ST18: variants seen among roughly 807,000 people sequenced by gnomAD.
ST18 encodes suppression of tumorigenicity 18 protein.
In ST18, 50 loss-of-function variants were observed where a neutral mutation model predicts 110.0. That is an observed-to-expected ratio of 0.45 (90% CI 0.36 to 0.58). The LOEUF (loss-of-function observed/expected upper bound fraction) is 0.58. ST18 is among the 20% of genes least tolerant of loss of function. ST18 has a pLI of 0.00. For missense variants in ST18, 1,306 were observed against 1,280.1 expected (o/e 1.02, Z -0.31); for synonymous variants, 461 against 452.4 (o/e 1.02, Z -0.24).
At chr8:52,404,149 G>A (rs563204474) in intron 2 of ST18, 3 of 152,292 alleles carry the variant, frequency 2.0e-5, no homozygotes, top group South Asian at 4.1e-4. Context: ...GGATAGTAAT[G>A]CTGAAAGAAA....
chr8:52,336,955 G>T (rs10441582), intron 2 of ST18, among the ~76,000 whole-genome samples: 2 of 152,172 alleles, frequency 1.3e-5, no homozygotes, highest in South Asian at 2.1e-4. Flanking sequence ...TTTTTTCTAT[G>T]CTTAAAATAA....
intron 17 of ST18, among the ~76,000 whole-genome samples, chr8:52,138,092 T>C (rs2053220104): frequency 3.2e-5 from 3 of 94,524 alleles, no homozygotes; most frequent in African/African-American, 1.5e-4. Context: ...AAACTCTGTC[T>C]CAAAAAAAAA....
chr8:52,197,649 G>A (rs1290113623), intron 8 of ST18, among the ~76,000 whole-genome samples: 1 of 152,086 alleles, frequency 6.6e-6, no homozygotes, highest in Non-Finnish European at 1.5e-5. Flanking sequence ...TCTGAAGAAG[G>A]AAAGATAAAA....
At chr8:52,126,593 A>G (rs1409501545) in intron 22 of ST18, among the ~76,000 whole-genome samples, 1 of 152,256 alleles carries the variant, frequency 6.6e-6, no homozygotes, top group Non-Finnish European at 1.5e-5. Context: ...CTTGACCTTT[A>G]TAGAATGACT....
At chr8:52,399,035 T>A (rs544005366) in intron 2 of ST18, among the ~76,000 whole-genome samples, 1 of 152,236 alleles carries the variant, frequency 6.6e-6, no homozygotes, top group South Asian at 2.1e-4. Context: ...TTTGAATGTT[T>A]GATAGAATTC....
rs747881159 is a variant in ST18, at chr8:52,172,309, T to C, written c.552A>G (p.Pro184=). ...DGRDKIDDSQ[P]PFCSSDDNES... Reference sequence around the variant, plus strand: ...CATTGTCATCAGAGGAGCAGAAGGGTGGCTGAGAATCATCAATCTTGTCTC... The same window carrying C: ...CATTGTCATCAGAGGAGCAGAAGGGCGGCTGAGAATCATCAATCTTGTCTC... The change falls in exon 10 of 26, where the codon CCA becomes CCG. Residue 184 remains proline (P), a synonymous_variant. Coordinates refer to ENST00000689386, the MANE Select transcript of ST18 (RefSeq NM_001352837.2). 6.2e-7 allele frequency: 1 copy of C among 1,614,210 alleles called. No homozygotes were observed. The highest frequency in any genetic ancestry group is 8.5e-7 in the Non-Finnish European group (1 of 1,180,044).
intron 16 of ST18, among the ~76,000 whole-genome samples, chr8:52,146,156 T>A (rs1014175578): frequency 1.3e-5 from 2 of 152,082 alleles, no homozygotes; most frequent in Admixed American, 1.3e-4. Context: ...CATATTCCAG[T>A]CTCCAAATGT....
intron 2 of ST18, among the ~76,000 whole-genome samples, chr8:52,271,325 T>C (rs74853918): frequency 0.084 from 12,786 of 152,264 alleles, 601 homozygotes; most frequent in East Asian, 0.17. Context: ...ACTGCCACCA[T>C]GGATCCAGGA....
intron 2 of ST18, chr8:52,405,111 A>T (rs1343307005): frequency 6.6e-6 from 1 of 152,260 alleles, no homozygotes; most frequent in African/African-American, 2.4e-5. Flanking sequence ...TTATTGAAAC[A>T]TGATGACAAA....
intron 2 of ST18, among the ~76,000 whole-genome samples, chr8:52,255,233 C>G (rs1183727918): frequency 6.6e-6 from 1 of 152,186 alleles, no homozygotes; most frequent in Non-Finnish European, 1.5e-5. Flanking sequence ...GGATTGGACA[C>G]TTGCTCGCAG....
intron 2 of ST18, among the ~76,000 whole-genome samples, chr8:52,274,652 T>C (rs2095180392): frequency 1.3e-5 from 2 of 152,218 alleles, no homozygotes; most frequent in African/African-American, 4.8e-5. Context: ...TGCACTGACT[T>C]GTTTTCATAG....
intron 9 of ST18, among the ~76,000 whole-genome samples, chr8:52,177,151 A>G (rs930577012): frequency 2.0e-5 from 3 of 152,104 alleles, no homozygotes; most frequent in African/African-American, 7.2e-5. Context: ...TGTGTCAGGA[A>G]AGCCTGTGCT....
chr8:52,267,227 G>A (rs1227593094), intron 2 of ST18, among the ~76,000 whole-genome samples: 1 of 151,956 alleles, frequency 6.6e-6, no homozygotes, highest in Non-Finnish European at 1.5e-5. Flanking sequence ...GGGAATGAGA[G>A]GCCATACTTT....
At position 52,389,347 on chromosome 8, in the gene ST18, G is replaced by A. The variant is rs529883917; in HGVS notation, c.-465+19981C>T. Among the ~76,000 whole-genome samples the A allele has an allele frequency of 2.0e-5, 3 of 152,290 alleles. No homozygotes were observed. The South Asian group carries it at 6.2e-4, about 32-fold the overall frequency. ...TTTGCAGGAAAGCTGCTGTTTCCCT[G>A]GACAAGGGATGGTGTGCTCCAGAGA... is the stretch of plus-strand genomic sequence containing the variant. On this transcript the variant is annotated intron_variant, in intron 2 of 25. Transcript: ENST00000689386.
chr8:52,187,411 A>G (rs535227885), intron 8 of ST18, among the ~76,000 whole-genome samples: 4 of 152,352 alleles, frequency 2.6e-5, no homozygotes, highest in African/African-American at 4.8e-5. Flanking sequence ...CATACCTACA[A>G]TTATTTAATA....
intron 2 of ST18, among the ~76,000 whole-genome samples, chr8:52,322,587 G>A (rs1804455289): frequency 6.6e-6 from 1 of 152,160 alleles, no homozygotes; most frequent in Non-Finnish European, 1.5e-5. Context: ...TCAACCCTTT[G>A]TCTCATCTCT....
Position 52,334,396 on chromosome 8 carries a change from A to G in ST18, c.-465+74932T>C, listed in dbSNP as rs557741885. On this transcript the variant is annotated intron_variant, in intron 2 of 25. Transcript: ENST00000689386. ...CTAGTATGTGTTTTGGCTGAAAAGG[A>G]AAGCACCCACATGTGTAACTCACCT... Among the ~76,000 whole-genome samples, 5 of 152,326 alleles carry G rather than the reference A, an allele frequency of 3.3e-5. No individual in the cohort carries two copies. In the South Asian group the frequency reaches 1.0e-3, roughly 32 times the overall value.
At chr8:52,372,133 T>C (rs751534579) in intron 2 of ST18, among the ~76,000 whole-genome samples, 4 of 152,160 alleles carry the variant, frequency 2.6e-5, no homozygotes, top group Non-Finnish European at 5.9e-5. Flanking sequence ...AGGTGGAAGA[T>C]AGTGATATTG....
At chr8:52,189,495 A>G (rs576535008) in intron 8 of ST18, among the ~76,000 whole-genome samples, 13 of 152,328 alleles carry the variant, frequency 8.5e-5, no homozygotes, top group African/African-American at 2.4e-4. Flanking sequence ...ACCCATCCCA[A>G]TGAAAATCGA....
Sources: gnomAD v4.1 joint callset for allele counts (sites outside exome capture counted in the v4.1 genomes callset) on GRCh38, gnomAD v4.1.1 for gene constraint, MANE v1.5 for transcripts, NCBI Gene and HGNC (gene_info 2026-07-23, HGNC 2026-07-21) for gene names.